SLC44A1: variants seen among roughly 807,000 people sequenced by gnomAD.
SLC44A1 encodes the protein solute carrier family 44 member 1.
In SLC44A1, 26 loss-of-function variants were observed where a neutral mutation model predicts 79.3. The observed-to-expected ratio is 0.33, with a 90% CI of 0.24 to 0.46. SLC44A1 has a LOEUF of 0.46. SLC44A1 is among the 20% of genes least tolerant of loss of function. SLC44A1 has a pLI of 1.00. For missense variants in SLC44A1, 688 were observed against 798.1 expected (o/e 0.86, Z 1.66); for synonymous variants, 263 against 286.2 (o/e 0.92, Z 0.82).
At chr9:105,353,651 A>G (rs1410206745) in intron 5 of SLC44A1, among the ~76,000 whole-genome samples, 1 of 152,210 alleles carries the variant, frequency 6.6e-6, no homozygotes, top group Non-Finnish European at 1.5e-5. Context: ...GTTGCCTAGC[A>G]GGAAAAAGAA....
intron 1 of SLC44A1, among the ~76,000 whole-genome samples, chr9:105,276,565 C>CGTGTGT (rs60259632): frequency 0.054 from 6,445 of 118,894 alleles, 466 homozygotes; most frequent in Non-Finnish European, 0.072. Flanking sequence ...GATGGGGAGC[C>CGTGTGT]GTGTGTGTGT....
rs554720777 is a variant in SLC44A1, at chr9:105,262,378, T to C, written c.36+17474T>C. Among the ~76,000 whole-genome samples the C allele has an allele frequency of 3.0e-4, 45 of 152,318 alleles. 1 individual carries two copies. In the South Asian group the frequency reaches 9.3e-3, roughly 32 times the overall value. ...AGAAAATAACAAAGCTTCAGATGCCTGTATGCAAGTCACAATGGCTTTTGA... is the reference window on the plus strand; with the variant it reads ...AGAAAATAACAAAGCTTCAGATGCCCGTATGCAAGTCACAATGGCTTTTGA... On this transcript the variant is annotated intron_variant, in intron 1 of 15. Transcript: ENST00000374720.
chr9:105,389,626 A>G lies in SLC44A1; in HGVS notation c.*570A>G, dbSNP rs981720463. 11 of 1,197,688 alleles carry G rather than the reference A, an allele frequency of 9.2e-6. No homozygotes were observed. The East Asian group carries it at 3.6e-4, about 40-fold the overall frequency. 74.2% of individuals were successfully genotyped at this position (1,197,688 alleles called of 1,614,324 possible). ...TTAGAAACATACAATTGGGCCCAATATGGGAATTTTCATAATAGTTCATAC... is the reference window on the plus strand; with the variant it reads ...TTAGAAACATACAATTGGGCCCAATGTGGGAATTTTCATAATAGTTCATAC... On this transcript the variant is annotated 3_prime_UTR_variant, in exon 16 of 16. Transcript: ENST00000374720.
In SLC44A1 at chr9:105,383,192, T is replaced by A; in HGVS notation, c.1702T>A (p.Trp568Arg). The A allele has an allele frequency of 6.2e-7, 1 of 1,614,190 alleles. No homozygotes were observed. Among genetic ancestry groups the A allele is most frequent in the Non-Finnish European group, 8.5e-7 (1 of 1,180,028 alleles). Residue 568 changes from tryptophan to arginine, a missense_variant, in exon 14 of 16, where the codon TGG (tryptophan) becomes AGG (arginine). Physicochemically the swap from Trp to Arg is moderately radical, Grantham distance 101. Transcript: ENST00000374720. The stretch of plus-strand genomic sequence containing the variant: ...CAACTACCAGCAGGACTACACAGTA[T>A]GGGTGCTGCCTCTGATCATCGTCTG... Reference protein sequence around the residue: ...LLNYQQDYTVWVLPLIIVCLF... With the variant: ...LLNYQQDYTVRVLPLIIVCLF...
At chr9:105,385,372 C>A (rs558815475) in intron 14 of SLC44A1, 50 bp from the exon 15 acceptor site, 2 of 1,338,270 alleles carry the variant, frequency 1.5e-6, no homozygotes, top group African/African-American at 1.5e-5. Context: ...CATCTACTAA[C>A]AAATCTGAAA....
chr9:105,414,189 A>C (rs868601449), intron 15 of SLC44A1, among the ~76,000 whole-genome samples: 4 of 151,998 alleles, frequency 2.6e-5, no homozygotes, highest in Non-Finnish European at 5.9e-5. Context: ...CAGCCTCCCA[A>C]GTAGCTGGGA....
intron 3 of SLC44A1, among the ~76,000 whole-genome samples, chr9:105,319,498 C>G (rs946912739): frequency 1.3e-5 from 2 of 152,116 alleles, no homozygotes; most frequent in Non-Finnish European, 2.9e-5. Flanking sequence ...TTTGTTGGGA[C>G]TCCATTATAT....
intron 1 of SLC44A1, among the ~76,000 whole-genome samples, chr9:105,256,776 ATT>A: frequency 6.8e-6 from 1 of 147,212 alleles, no homozygotes; most frequent in African/African-American, 2.5e-5. Flanking sequence ...ATTTTATTTT[ATT>A]TTATTTTATT....
At chr9:105,271,669 A>G (rs1479850777) in intron 1 of SLC44A1, among the ~76,000 whole-genome samples, 2 of 152,212 alleles carry the variant, frequency 1.3e-5, no homozygotes, top group Admixed American at 6.5e-5. Context: ...GCTGGAGTGC[A>G]GTGGTGCAAT....
intron 15 of SLC44A1, among the ~76,000 whole-genome samples, chr9:105,419,300 G>T (rs990166296): frequency 5.3e-5 from 8 of 152,168 alleles, no homozygotes; most frequent in Admixed American, 4.6e-4. Flanking sequence ...ATTTGTACTT[G>T]AAGGATTTTA....
intron 1 of SLC44A1, among the ~76,000 whole-genome samples, chr9:105,263,972 C>T (rs1421110063): frequency 6.6e-6 from 1 of 152,102 alleles, no homozygotes; most frequent in Non-Finnish European, 1.5e-5. Flanking sequence ...CCCTATATAT[C>T]TTTAATATGC....
intron 5 of SLC44A1, among the ~76,000 whole-genome samples, chr9:105,354,246 T>C (rs1235925624): frequency 6.6e-6 from 1 of 151,032 alleles, no homozygotes; most frequent in East Asian, 1.9e-4. Flanking sequence ...GAGACGGGGT[T>C]TCACCGTGTT....
At chr9:105,361,678 T>C (rs1263516944) in intron 8 of SLC44A1, among the ~76,000 whole-genome samples, 1 of 152,222 alleles carries the variant, frequency 6.6e-6, no homozygotes, top group Non-Finnish European at 1.5e-5. Flanking sequence ...TTAAAAAATA[T>C]ATCATTCCAT....
At chr9:105,415,128 C>T (rs922195664) in intron 15 of SLC44A1, among the ~76,000 whole-genome samples, 1 of 152,100 alleles carries the variant, frequency 6.6e-6, no homozygotes, top group Non-Finnish European at 1.5e-5. Flanking sequence ...TTATTAAGGG[C>T]ACAATAGAGG....
chr9:105,250,803 G>C lies in SLC44A1; in HGVS notation c.36+5899G>C, dbSNP rs141121437. The stretch of plus-strand genomic sequence containing the variant: ...AGAAGTTTACAAATGTTATGGAAGT[G>C]ATGCCTGGGTCCTATTCCCAAAGAT... On this transcript the variant is annotated intron_variant, in intron 1 of 15. Coordinates refer to ENST00000374720, the MANE Select transcript of SLC44A1 (RefSeq NM_080546.5). Among the ~76,000 whole-genome samples the C allele has an allele frequency of 5.7e-3, 865 of 152,300 alleles. 11 individuals carry two copies. Among genetic ancestry groups the C allele is most frequent in the African/African-American group, 0.02 (820 of 41,546 alleles).
chr9:105,296,580 A>G (rs1039373214), intron 1 of SLC44A1, among the ~76,000 whole-genome samples: 2 of 152,354 alleles, frequency 1.3e-5, no homozygotes, highest in South Asian at 4.1e-4. Context: ...GTTTGTTAAG[A>G]CAAACAAATA....
intron 13 of SLC44A1, among the ~76,000 whole-genome samples, 185 bp from the exon 14 acceptor site, chr9:105,382,938 T>A (rs571732403): frequency 7.9e-5 from 12 of 152,350 alleles, no homozygotes; most frequent in Non-Finnish European, 1.2e-4. Context: ...ATTTATATTA[T>A]ATGATAAGCA....
chr9:105,264,865 C>T (rs1412399584), intron 1 of SLC44A1, among the ~76,000 whole-genome samples: 3 of 151,112 alleles, frequency 2.0e-5, no homozygotes, highest in Non-Finnish European at 2.9e-5. Context: ...GGTGCGATCT[C>T]GGCTCACCAC....
At position 105,392,748 on chromosome 9, in the gene SLC44A1, C is replaced by G. The variant is rs1724005428; in HGVS notation, c.*3692C>G. The G allele has an allele frequency of 1.0e-6, 1 of 985,322 alleles. No homozygotes were observed. The highest frequency in any genetic ancestry group is 5.2e-4 in the Middle Eastern group (1 of 1,914). 61.0% of individuals were successfully genotyped at this position (985,322 alleles called of 1,614,324 possible). On this transcript the variant is annotated 3_prime_UTR_variant, in exon 16 of 16. Transcript: ENST00000374720. ...CCATTTTAAGAGATCTCCTAGCCTG[C>G]AAGGTAGAATTCTGGGATCAGTTCC...
Sources: allele counts gnomAD v4.1 joint callset (sites outside exome capture counted in the v4.1 genomes callset), GRCh38; gene constraint gnomAD v4.1.1; transcripts MANE v1.5; gene names NCBI Gene and HGNC (gene_info 2026-07-23, HGNC 2026-07-21).